HDGFL3: variants seen among roughly 807,000 people sequenced by gnomAD.
HDGFL3 encodes the protein hepatoma-derived growth factor-related protein 3.
HDGFL3 carries 6 observed loss-of-function variants against 27.6 expected under a neutral mutation model. That is an observed-to-expected ratio of 0.22 (90% confidence interval 0.12 to 0.43). The LOEUF is 0.43. Ranked by LOEUF, HDGFL3 falls within the 20% of genes least tolerant of loss-of-function variation. The pLI, the probability that HDGFL3 is intolerant of heterozygous loss-of-function variation, is 1.00. For synonymous variants in HDGFL3, 88 were observed against 88.9 expected, an observed-to-expected ratio of 0.99 and a Z score of 0.05; for missense variants, 207 against 250.1, an observed-to-expected ratio of 0.83 and a Z score of 1.16.
chr15:83,114,115 G>C (rs2034439337), exon 4 of HDGFL3: 1 of 152,838 alleles, frequency 6.5e-6, no homozygotes, highest in Admixed American at 6.5e-5. Context: ...CCTGTGCTCT[G>C]ACCCTTGCAC....
At chr15:83,127,188 C>T (rs1251376584), downstream of HDGFL3, among the ~76,000 whole-genome samples, 1 of 148,798 alleles carries the variant, frequency 6.7e-6, no homozygotes, top group African/African-American at 2.5e-5. Context: ...AGTGAGACTC[C>T]ACCTAAAAAA....
chr15:83,205,141 T>C (rs1256544160), intron 1 of HDGFL3, among the ~76,000 whole-genome samples: 2 of 152,048 alleles, frequency 1.3e-5, no homozygotes, highest in African/African-American at 2.4e-5. Context: ...AGTTAGCATT[T>C]TATAACATTA....
chr15:83,174,492 C>T (rs1238047412), intron 1 of HDGFL3, among the ~76,000 whole-genome samples: 3 of 138,432 alleles, frequency 2.2e-5, no homozygotes, highest in African/African-American at 8.5e-5. Flanking sequence ...CATTGAGCAC[C>T]ACCCTAAAAA....
chr15:83,174,882 G>A (rs2037290301), intron 1 of HDGFL3, among the ~76,000 whole-genome samples: 1 of 152,166 alleles, frequency 6.6e-6, no homozygotes, highest in Non-Finnish European at 1.5e-5. Context: ...TTGCAAATTG[G>A]TGGCCCTCAA....
At position 83,139,333 on chromosome 15, in the gene HDGFL3, A is replaced by G. The variant is rs1397457291; in HGVS notation, c.607-58T>C. Reference sequence around the variant, plus strand: ...CTTTAGATGATTTAGGATACTAACAATGAGAGCTATCCACACCTAGATAGT... The same window carrying G: ...CTTTAGATGATTTAGGATACTAACAGTGAGAGCTATCCACACCTAGATAGT... On this transcript the variant is annotated intron_variant, in intron 5 of 5. Transcript: ENST00000299633. The G allele has an allele frequency of 6.2e-6, 7 of 1,127,726 alleles. No individual in the cohort carries two copies. The East Asian group carries it at 1.6e-4, about 25-fold the overall frequency. 69.9% of individuals were successfully genotyped at this position (1,127,726 alleles called of 1,614,324 possible).
chr15:83,170,337 A>G (rs1353803396), intron 1 of HDGFL3, among the ~76,000 whole-genome samples: 2 of 152,232 alleles, frequency 1.3e-5, no homozygotes, highest in Non-Finnish European at 2.9e-5. Flanking sequence ...GGCCACATTA[A>G]CCAAAACAGC....
intron 1 of HDGFL3, among the ~76,000 whole-genome samples, chr15:83,175,881 A>C (rs960098369): frequency 1.1e-4 from 17 of 152,184 alleles, no homozygotes; most frequent in Admixed American, 8.5e-4. Flanking sequence ...ACAAAAAAAA[A>C]CACACATTAA....
chr15:83,119,644 C>A, intron 3 of HDGFL3: 1 of 1,614,176 alleles, frequency 6.2e-7, no homozygotes, highest in Non-Finnish European at 8.5e-7. Flanking sequence ...TGCTCATTAT[C>A]TGATGTACCT....
rs1238715982 is a variant in HDGFL3 at position 83,187,760 on chromosome 15, T to C, written c.84+19571A>G. 5.3e-5 allele frequency among the ~76,000 whole-genome samples: 8 copies of C among 151,910 alleles called. No homozygotes were observed. In the South Asian group the frequency reaches 1.2e-3, roughly 24 times the overall value. On this transcript the variant is annotated intron_variant, in intron 1 of 5. Transcript: ENST00000299633. The stretch of plus-strand genomic sequence containing the variant: ...AAAATTAGCCCGACATGGTGGCACA[T>C]GCCTGTAATCCCAGCTACTCGGGAG...
rs552842568 is a variant in HDGFL3, at chr15:83,133,676, C to T, written c.*5594G>A. ...TTGAGTTCACTGAGCCACCTGACCC[C>T]AGCACAGGCTCAGGCTGAGCTCTTC... On this transcript the variant is annotated 3_prime_UTR_variant, in exon 6 of 6. Coordinates refer to ENST00000299633, the MANE Select transcript of HDGFL3 (RefSeq NM_016073.4). 1 of 152,350 alleles carries T rather than the reference C, an allele frequency of 6.6e-6. No individual in the cohort carries two copies. Among genetic ancestry groups the T allele is most frequent in the South Asian group, 2.1e-4 (1 of 4,830 alleles). The allele number at this position is 152,350 out of a possible 1,614,324, so 9.4% of individuals were successfully genotyped here.
At chr15:83,175,105 C>A (rs2037292550) in intron 1 of HDGFL3, among the ~76,000 whole-genome samples, 1 of 152,206 alleles carries the variant, frequency 6.6e-6, no homozygotes, top group African/African-American at 2.4e-5. Flanking sequence ...CATAGTTGCC[C>A]ACTTTAGACA....
intron 2 of HDGFL3, among the ~76,000 whole-genome samples, chr15:83,163,315 C>T (rs1244136426): frequency 1.3e-5 from 2 of 152,200 alleles, no homozygotes; most frequent in Non-Finnish European, 2.9e-5. Context: ...TCTCTTTCCT[C>T]CTTCCCACTG....
chr15:83,197,735 G>A (rs1035952078), intron 1 of HDGFL3, among the ~76,000 whole-genome samples: 5 of 151,982 alleles, frequency 3.3e-5, no homozygotes, highest in Middle Eastern at 3.2e-3. Context: ...TATATAACTC[G>A]GTAGTCAGCA....
intron 5 of HDGFL3, among the ~76,000 whole-genome samples, chr15:83,147,392 A>C (rs1297315006): frequency 6.6e-6 from 1 of 152,080 alleles, no homozygotes; most frequent in Non-Finnish European, 1.5e-5. Flanking sequence ...ACACTGCTTC[A>C]GCAATTCTTT....
chr15:83,148,394 G>C (rs2036925310), intron 5 of HDGFL3, among the ~76,000 whole-genome samples: 1 of 152,144 alleles, frequency 6.6e-6, no homozygotes, highest in Non-Finnish European at 1.5e-5. Context: ...GGCTGAGGCA[G>C]GCAGATCACG....
chr15:83,154,197 G>A (rs2036998665), intron 4 of HDGFL3, among the ~76,000 whole-genome samples: 1 of 151,692 alleles, frequency 6.6e-6, no homozygotes, highest in African/African-American at 2.4e-5. Context: ...AAAGCAGCGT[G>A]TGGTGATGTA....
downstream of HDGFL3, chr15:83,127,636 AT>A: frequency 1.4e-6 from 1 of 723,158 alleles, no homozygotes; most frequent in Non-Finnish European, 2.3e-6. Context: ...CTGCAAGTAC[AT>A]TTTATTTCAA....
intron 1 of HDGFL3, among the ~76,000 whole-genome samples, chr15:83,201,732 A>C (rs964013347): frequency 2.0e-5 from 3 of 152,210 alleles, no homozygotes; most frequent in Non-Finnish European, 4.4e-5. Flanking sequence ...AGAGAATTCC[A>C]AAGGGGATGT....
downstream of HDGFL3, among the ~76,000 whole-genome samples, chr15:83,123,728 A>G (rs2035476837): frequency 6.6e-6 from 1 of 152,208 alleles, no homozygotes; most frequent in South Asian, 2.1e-4. Context: ...AAAAAGAAAA[A>G]GCAAATAGTC....
Sources: gnomAD v4.1 joint callset for allele counts (sites outside exome capture counted in the v4.1 genomes callset) on GRCh38, gnomAD v4.1.1 for gene constraint, MANE v1.5 for transcripts, NCBI Gene and HGNC (gene_info 2026-07-23, HGNC 2026-07-21) for gene names.